Variants in SCN2A observed in about 807,000 individuals in gnomAD.
SCN2A encodes the protein sodium voltage-gated channel alpha subunit 2, also known as sodium channel protein type 2 subunit alpha.
Under a neutral mutation model 188.7 loss-of-function variants are expected in SCN2A, and 20 were observed. The ratio of observed to expected loss-of-function variants is 0.11; its 90% CI spans 0.07 to 0.15. The LOEUF (loss-of-function observed/expected upper bound fraction) is 0.15, where lower values mean the gene tolerates loss of function less well. SCN2A is among the 10% of genes least tolerant of loss of function. The pLI, the probability that SCN2A is intolerant of heterozygous loss-of-function variation, is 1.00. For missense variants in SCN2A, 1,278 were observed against 2,445.0 expected, an observed-to-expected ratio of 0.52 and a Z score of 10.07; for synonymous variants, 804 against 833.1, an observed-to-expected ratio of 0.97 and a Z score of 0.60.
In SCN2A at chr2:165,315,825, T is replaced by G. The variant is rs1697717226; in HGVS notation, c.1671+67T>G. Reference sequence around the variant, plus strand: ...TTTAAAAAAATATGCCAGAATTTAATGGAGAGAAAACCGCCTTCCACCTGG... The same window carrying G: ...TTTAAAAAAATATGCCAGAATTTAAGGGAGAGAAAACCGCCTTCCACCTGG... On this transcript the variant is annotated intron_variant, in intron 11 of 26. Transcript: ENST00000375437. 17 of 1,561,298 alleles carry G rather than the reference T, an allele frequency of 1.1e-5. No homozygotes were observed. The South Asian group carries it at 1.9e-4, about 17-fold the overall frequency.
At chr2:165,328,166 G>A (rs1024475067) in intron 13 of SCN2A, 3 of 152,162 alleles carry the variant, frequency 2.0e-5, no homozygotes, top group South Asian at 4.1e-4. Flanking sequence ...ATACCAATAC[G>A]AAAAGCCTGA....
chr2:165,315,909 G>C (rs759852400), intron 11 of SCN2A, 151 bp downstream of exon 11: 2 of 976,244 alleles, frequency 2.0e-6, no homozygotes, highest in African/African-American at 3.3e-5. Flanking sequence ...TCACTTCAGA[G>C]AATTTGTGAG....
chr2:165,256,318 G>A (rs751535551), intron 1 of SCN2A, among the ~76,000 whole-genome samples: 1 of 151,942 alleles, frequency 6.6e-6, no homozygotes, highest in Admixed American at 6.6e-5. Context: ...TTTCTTTAAT[G>A]TAAATACTAT....
intron 23 of SCN2A, among the ~76,000 whole-genome samples, chr2:165,380,385 A>G (rs1025431533): frequency 2.0e-5 from 3 of 151,778 alleles, no homozygotes; most frequent in East Asian, 1.9e-4. Flanking sequence ...AGACTTCTAT[A>G]TGGTTATTTC....
chr2:165,378,215 GAAAAA>G (rs58765904), intron 23 of SCN2A, among the ~76,000 whole-genome samples: 1 of 133,804 alleles, frequency 7.5e-6, no homozygotes. Flanking sequence ...GTCACATTTT[GAAAAA>G]AAAAAAAAAA....
At position 165,315,569 on chromosome 2, in the gene SCN2A, C is replaced by A; in HGVS notation, c.1482C>A (p.Ser494Arg). 6 of 1,613,746 alleles carry A rather than the reference C, an allele frequency of 3.7e-6. No individual in the cohort carries two copies. Among genetic ancestry groups the A allele is most frequent in the Non-Finnish European group, 5.1e-6 (6 of 1,179,910 alleles). Reference protein sequence around the residue: ...SESSSVASKLSSKSEKELKNR... With the variant: ...SESSSVASKLRSKSEKELKNR... ...GTTCTTCAGTAGCATCTAAGTTGAG[C>A]TCCAAAAGTGAAAAAGAGCTGAAAA... The change falls in exon 11 of 27, where the codon AGC becomes AGA. Residue 494 changes from serine (S) to arginine (R), a missense_variant. Ser to Arg is a moderately radical substitution (Grantham distance 110). Transcript: ENST00000375437.
chr2:165,257,787 C>T (rs989748401), intron 1 of SCN2A, among the ~76,000 whole-genome samples: 2 of 152,170 alleles, frequency 1.3e-5, no homozygotes, highest in Non-Finnish European at 2.9e-5. Context: ...ATCCACCCCC[C>T]TCGGCCTTCC....
chr2:165,264,360 T>A (rs564357201), intron 1 of SCN2A, among the ~76,000 whole-genome samples: 1 of 152,232 alleles, frequency 6.6e-6, no homozygotes, highest in South Asian at 2.1e-4. Context: ...CACATGATCA[T>A]CTAAATAGAT....
chr2:165,369,849 T>C (rs1367710723), intron 19 of SCN2A, among the ~76,000 whole-genome samples: 1 of 152,164 alleles, frequency 6.6e-6, no homozygotes, highest in Non-Finnish European at 1.5e-5. Flanking sequence ...CCTCCTGATG[T>C]AGAGAGAAGC....
intron 12 of SCN2A, 113 bp downstream of exon 12, chr2:165,323,613 G>C: frequency 9.8e-7 from 1 of 1,020,708 alleles, no homozygotes; most frequent in Non-Finnish European, 1.5e-6. Context: ...CCAAAGGCTG[G>C]GAGTTTGTTC....
chr2:165,247,750 A>G (rs192135425), intron 1 of SCN2A, among the ~76,000 whole-genome samples: 36 of 152,320 alleles, frequency 2.4e-4, no homozygotes, highest in African/African-American at 8.2e-4. Flanking sequence ...CATATAAATC[A>G]TGATGACATC....
chr2:165,361,080 G>A (rs962164561), intron 17 of SCN2A, among the ~76,000 whole-genome samples: 5 of 151,688 alleles, frequency 3.3e-5, no homozygotes, highest in Non-Finnish European at 7.4e-5. Flanking sequence ...CATTTTAACT[G>A]CTTTAGTCAA....
chr2:165,375,013 T>A, intron 22 of SCN2A, 47 bp downstream of exon 22: 2 of 1,547,500 alleles, frequency 1.3e-6, no homozygotes, highest in Non-Finnish European at 8.9e-7. Flanking sequence ...TTAAAATGAG[T>A]CTAAAGTTTT....
chr2:165,336,631 G>A (rs565786670), intron 14 of SCN2A, among the ~76,000 whole-genome samples: 1 of 152,018 alleles, frequency 6.6e-6, no homozygotes, highest in East Asian at 1.9e-4. Context: ...TTCTTTTTAA[G>A]GCGATGAAAA....
chr2:165,263,307 C>T (rs1694688151), intron 1 of SCN2A, among the ~76,000 whole-genome samples: 1 of 151,858 alleles, frequency 6.6e-6, no homozygotes, highest in African/African-American at 2.4e-5. Context: ...GAAGTCTTTG[C>T]CCAAGCCAAT....
intron 19 of SCN2A, 78 bp from the exon 20 acceptor site, chr2:165,370,048 A>T: frequency 7.7e-7 from 1 of 1,290,478 alleles, no homozygotes. Flanking sequence ...AAGAGCTTGC[A>T]TCGTTTCCTT....
intron 25 of SCN2A, among the ~76,000 whole-genome samples, chr2:165,385,080 C>T (rs539447850): frequency 5.3e-5 from 8 of 152,216 alleles, no homozygotes; most frequent in South Asian, 2.1e-4. Flanking sequence ...AGGCCAAATA[C>T]GCATTCAGAG....
At chr2:165,278,984 CAGGAAGGA>C (rs997863839) in intron 1 of SCN2A, among the ~76,000 whole-genome samples, 1 of 151,454 alleles carries the variant, frequency 6.6e-6, no homozygotes, top group African/African-American at 2.4e-5. Context: ...GGCAGGCAGG[CAGGAAGGA>C]AGGAAGGAAT....
intron 11 of SCN2A, among the ~76,000 whole-genome samples, chr2:165,322,545 A>G (rs1298359482): frequency 2.0e-5 from 3 of 152,262 alleles, no homozygotes; most frequent in Non-Finnish European, 4.4e-5. Flanking sequence ...AAATTGGGGA[A>G]TAAATCATAC....
Sources: gnomAD v4.1 joint callset for allele counts (sites outside exome capture counted in the v4.1 genomes callset) on GRCh38, gnomAD v4.1.1 for gene constraint, MANE v1.5 for transcripts, NCBI Gene and HGNC (gene_info 2026-07-23, HGNC 2026-07-21) for gene names.